LRRC37B: variants seen among roughly 807,000 people sequenced by gnomAD.
LRRC37B encodes leucine-rich repeat-containing protein 37B.
LRRC37B carries 28 observed loss-of-function variants against 98.3 expected under a neutral mutation model. The observed-to-expected ratio is 0.28, with a 90% CI of 0.21 to 0.39. The LOEUF is 0.39. Among genes scored for constraint, LRRC37B ranks in the 10% least tolerant of loss-of-function variants. The probability of loss-of-function intolerance (pLI) is 1.00; values close to 1 mark genes in which losing one functional copy is unlikely to be tolerated. For missense variants in LRRC37B, 938 were observed against 1,182.7 expected, an observed-to-expected ratio of 0.79 and a Z score of 3.03; for synonymous variants, 364 against 442.7, an observed-to-expected ratio of 0.82 and a Z score of 2.23.
chr17:32,007,587 C>G (rs1910437394), upstream of LRRC37B, among the ~76,000 whole-genome samples: 2 of 151,194 alleles, frequency 1.3e-5, no homozygotes, highest in African/African-American at 2.4e-5. The surrounding 1 kb of genome is among the most constrained non-coding windows in gnomAD (Gnocchi z 4.1). Context: ...TTTCCCTTCT[C>G]CCGCCGCCTG....
chr17:32,034,680 G>GT (rs548942008), intron 5 of LRRC37B, among the ~76,000 whole-genome samples: 348 of 147,150 alleles, frequency 2.4e-3, no homozygotes, highest in African/African-American at 3.9e-3. Context: ...TTTCTTGTGT[G>GT]TTTTTTTTTT....
At chr17:32,020,936 T>C, upstream of LRRC37B, 1 of 1,437,666 alleles carries the variant, frequency 7.0e-7, no homozygotes, top group Non-Finnish European at 9.2e-7. Context: ...GGGAGGGGTG[T>C]TCCGGCCTGG....
intron 1 of LRRC37B, among the ~76,000 whole-genome samples, chr17:32,009,196 C>T (rs910660480): frequency 1.3e-5 from 2 of 151,818 alleles, no homozygotes; most frequent in African/African-American, 4.8e-5. Flanking sequence ...ACTAATGGTT[C>T]TGAGCCTCTT....
upstream of LRRC37B, among the ~76,000 whole-genome samples, chr17:32,017,428 T>C (rs1910668355): frequency 6.6e-6 from 1 of 152,262 alleles, no homozygotes; most frequent in African/African-American, 2.4e-5. Context: ...TCATTTCTTA[T>C]GTTATTATTC....
At chr17:32,041,272 C>T (rs779742322) in intron 7 of LRRC37B, 2 of 763,580 alleles carry the variant, frequency 2.6e-6, no homozygotes, top group Non-Finnish European at 2.4e-6. Flanking sequence ...CCCAAGATTG[C>T]AGCTTCATCC....
At chr17:32,038,860 A>G (rs1193095570) in intron 7 of LRRC37B, among the ~76,000 whole-genome samples, 1 of 152,250 alleles carries the variant, frequency 6.6e-6, no homozygotes, top group Non-Finnish European at 1.5e-5. Flanking sequence ...TCTGTCTCAA[A>G]AAAATAAAGA....
chr17:32,015,214 G>A (rs1261393243), intron 1 of LRRC37B, among the ~76,000 whole-genome samples: 1 of 152,142 alleles, frequency 6.6e-6, no homozygotes, highest in Non-Finnish European at 1.5e-5. Flanking sequence ...CAAATGGAAT[G>A]TACTCAAAGA....
intron 8 of LRRC37B, 172 bp from the exon 12 acceptor site, chr17:32,047,589 T>G: frequency 1.1e-6 from 1 of 893,792 alleles, no homozygotes; most frequent in South Asian, 1.6e-5. Flanking sequence ...TTTCCTCCTT[T>G]CGTTGTTGCC....
At chr17:32,014,109 G>A (rs1259447878) in intron 1 of LRRC37B, among the ~76,000 whole-genome samples, 1 of 152,138 alleles carries the variant, frequency 6.6e-6, no homozygotes, top group African/African-American at 2.4e-5. Flanking sequence ...CTCCAGTTAT[G>A]TATTTCAACT....
At chr17:32,026,374 G>A (rs1194844168) in intron 2 of LRRC37B, among the ~76,000 whole-genome samples, 1 of 152,196 alleles carries the variant, frequency 6.6e-6, no homozygotes, top group Admixed American at 6.5e-5. Flanking sequence ...AATTAGCCAG[G>A]CATGGTGGTG....
At chr17:32,019,955 G>T (rs1004304291), upstream of LRRC37B, among the ~76,000 whole-genome samples, 4 of 152,088 alleles carry the variant, frequency 2.6e-5, no homozygotes, top group African/African-American at 9.7e-5. Flanking sequence ...AGATTCAAGG[G>T]ATTCTCCTGC....
chr17:32,036,887 A>C (rs977586053), intron 7 of LRRC37B, among the ~76,000 whole-genome samples: 1 of 151,922 alleles, frequency 6.6e-6, no homozygotes, highest in Admixed American at 6.6e-5. Flanking sequence ...ACTTTTTAAG[A>C]AACTGCTGAA....
intron 1 of LRRC37B, among the ~76,000 whole-genome samples, chr17:32,010,736 T>C (rs918756580): frequency 6.6e-6 from 1 of 152,206 alleles, no homozygotes; most frequent in African/African-American, 2.4e-5. Flanking sequence ...CTAAAACTTA[T>C]TCCTTCTATC....
chr17:32,024,207 A>C (rs1252491612), intron 1 of LRRC37B, among the ~76,000 whole-genome samples: 1 of 152,068 alleles, frequency 6.6e-6, no homozygotes, highest in East Asian at 1.9e-4. Flanking sequence ...AGCAAAATGT[A>C]GGAGTAAAGT....
intron 3 of LRRC37B, among the ~76,000 whole-genome samples, chr17:32,029,370 T>C (rs1364668482): frequency 6.6e-6 from 1 of 152,232 alleles, no homozygotes; most frequent in African/African-American, 2.4e-5. Context: ...TGGTGGGCAA[T>C]GCAGATGATC....
In LRRC37B at chr17:32,025,842, A is replaced by G. The variant is rs538454; in HGVS notation, c.1832+1060A>G. Among the ~76,000 whole-genome samples the G allele has an allele frequency of 4.7e-4, 72 of 152,362 alleles. 1 individual carries two copies. The highest frequency in any genetic ancestry group is 1.6e-3 in the African/African-American group (66 of 41,582). On this transcript the variant is annotated intron_variant, in intron 2 of 11. Transcript: ENST00000327564. ...CTCAAAAATGTTGTGCCAACTGACT[A>G]TATTGTCAGCAGAATATGACAGCAT...
At chr17:32,011,006 T>C (rs1910513085) in intron 1 of LRRC37B, among the ~76,000 whole-genome samples, 1 of 152,028 alleles carries the variant, frequency 6.6e-6, no homozygotes, top group South Asian at 2.1e-4. Flanking sequence ...TCACTTTTTT[T>C]TTTTTTTTGA....
chr17:32,045,469 C>A, intron 7 of LRRC37B: 1 of 523,482 alleles, frequency 1.9e-6, no homozygotes, highest in Non-Finnish European at 3.4e-6. Flanking sequence ...TCACCCAATT[C>A]TAATCCCAAC....
At chr17:32,039,520 ATATG>A (rs1285930735) in intron 7 of LRRC37B, among the ~76,000 whole-genome samples, 6,155 of 18,716 alleles carry the variant, frequency 0.33, 984 homozygotes, top group Middle Eastern at 0.38. Context: ...ATATATATAT[ATATG>A]TATGTATTTT....
Sources: allele counts gnomAD v4.1 joint callset (sites outside exome capture counted in the v4.1 genomes callset), GRCh38; gene constraint gnomAD v4.1.1; non-coding constraint Gnocchi (gnomAD v3.1); transcripts MANE v1.5; gene names NCBI Gene and HGNC (gene_info 2026-07-23, HGNC 2026-07-21).